The following PCDH15 variants were observed in gnomAD, a reference collection of about 807,000 sequenced individuals.
PCDH15 encodes the protein protocadherin related 15.
In PCDH15, 129 loss-of-function variants were observed where a neutral mutation model predicts 178.5. That is an observed-to-expected ratio of 0.72 (90% CI 0.63 to 0.84). The LOEUF is 0.84. PCDH15 is among the 40% of genes least tolerant of loss of function. The probability of loss-of-function intolerance (pLI) is 0.00; values close to 1 mark genes in which losing one functional copy is unlikely to be tolerated. For synonymous variants in PCDH15, 800 were observed against 732.0 expected (o/e 1.09, Z -1.50); for missense variants, 2,230 against 2,099.9 (o/e 1.06, Z -1.21).
chr10:55,161,568 T>C (rs762983728), intron 2 of PCDH15, among the ~76,000 whole-genome samples: 5 of 152,158 alleles, frequency 3.3e-5, no homozygotes, highest in Non-Finnish European at 5.9e-5. Flanking sequence ...TTTACCCTCT[T>C]GCCCTTTATA....
At chr10:54,574,434 T>C (rs1425115265) in intron 2 of PCDH15, among the ~76,000 whole-genome samples, 5 of 152,120 alleles carry the variant, frequency 3.3e-5, no homozygotes, top group Non-Finnish European at 7.4e-5. Context: ...TGTAGCCTTG[T>C]ATTATAGTTT....
chr10:55,136,391 G>A lies in PCDH15; in HGVS notation c.-80+30185C>T, dbSNP rs1168434279. ...AGAATACATTAAAACAAAGCAAAAC[G>A]AAACCTCCCATATTGACAATGAAAA... On this transcript the variant is annotated intron_variant, in intron 2 of 5. Coordinates refer to the PCDH15 transcript ENST00000458638. 1.1e-4 allele frequency among the ~76,000 whole-genome samples: 16 copies of A among 151,794 alleles called. 1 individual carries two copies. Among genetic ancestry groups the A allele is most frequent in the Admixed American group, 5.9e-4 (9 of 15,218 alleles).
Position 54,247,958 on chromosome 10 carries a change from ATACACAT to A in PCDH15, c.877-11034_877-11028del, listed in dbSNP as rs1564784729. 2.5e-3 allele frequency among the ~76,000 whole-genome samples: 354 copies of A among 143,128 alleles called. 2 individuals are homozygous for A. The highest frequency in any genetic ancestry group is 9.6e-3 in the African/African-American group (344 of 35,716). The allele number at this position is 143,128 out of a possible 152,430, so 93.9% of individuals were successfully genotyped here. On this transcript the variant is annotated intron_variant, in intron 8 of 37. Coordinates refer to ENST00000644397, the MANE Select transcript of PCDH15 (RefSeq NM_001384140.1). ...AGAATATATATATATATATATATAT[ATACACAT>A]ACAGTAAATGACATTCTTAATATGT...
At chr10:54,060,693 T>C (rs972977780) in intron 18 of PCDH15, among the ~76,000 whole-genome samples, 1 of 152,208 alleles carries the variant, frequency 6.6e-6, no homozygotes, top group Non-Finnish European at 1.5e-5. Flanking sequence ...CAGGTAGTTT[T>C]ATTCCATGGC....
intron 1 of PCDH15, among the ~76,000 whole-genome samples, chr10:55,265,328 A>ATATATAT (rs1842259733): frequency 1.3e-5 from 2 of 151,186 alleles, no homozygotes; most frequent in African/African-American, 4.9e-5. Context: ...ATATATATAT[A>ATATATAT]GACATAGAGA....
chr10:55,119,144 GCTTCACTTAAAAACAAGA>G (rs1396672199), intron 2 of PCDH15, among the ~76,000 whole-genome samples: 4 of 152,080 alleles, frequency 2.6e-5, no homozygotes, highest in African/African-American at 9.7e-5. Context: ...GTCCCACCAG[GCTTCACTTAAAAACAAGA>G]CAGAAGTCTC....
chr10:54,864,505 C>T (rs11004608), intron 3 of PCDH15, among the ~76,000 whole-genome samples: 24,758 of 151,988 alleles, frequency 0.16, 2,762 homozygotes, highest in East Asian at 0.51. Flanking sequence ...GATAGATGTA[C>T]GGTTTATTGT....
intron 8 of PCDH15, among the ~76,000 whole-genome samples, chr10:54,297,671 C>G (rs1462289963): frequency 1.3e-5 from 2 of 152,068 alleles, no homozygotes; most frequent in East Asian, 1.9e-4. Context: ...TGGTTCTGTC[C>G]CCTTTAAGTA....
chr10:55,132,915 T>G (rs1174479180), intron 2 of PCDH15, among the ~76,000 whole-genome samples: 1 of 152,200 alleles, frequency 6.6e-6, no homozygotes, highest in Non-Finnish European at 1.5e-5. Context: ...AAGTTCTTCC[T>G]AATTTAGTTG....
chr10:54,459,775 C>T (rs180791138), intron 3 of PCDH15, among the ~76,000 whole-genome samples: 2 of 152,252 alleles, frequency 1.3e-5, no homozygotes, highest in East Asian at 1.9e-4. Flanking sequence ...AACTGAAGGC[C>T]TGTGAAGTCA....
At chr10:55,218,711 G>T (rs1037838999) in intron 1 of PCDH15, among the ~76,000 whole-genome samples, 3 of 151,972 alleles carry the variant, frequency 2.0e-5, no homozygotes, top group African/African-American at 7.3e-5. Context: ...GATGGATTTG[G>T]ACTGTAAGGT....
intron 1 of PCDH15, among the ~76,000 whole-genome samples, chr10:54,703,396 A>G (rs1219172423): frequency 6.6e-6 from 1 of 152,034 alleles, no homozygotes; most frequent in Non-Finnish European, 1.5e-5. Context: ...AGGCAAGGGA[A>G]AAAAAATAAA....
At chr10:54,079,561 A>G (rs766638267) in intron 16 of PCDH15, 137 bp from the exon 17 acceptor site, 2 of 814,534 alleles carry the variant, frequency 2.5e-6, no homozygotes, top group Non-Finnish European at 4.3e-6. Flanking sequence ...TTAGATGTAT[A>G]ATACTAAGAT....
chr10:55,178,788 A>C (rs982321623), intron 1 of PCDH15, among the ~76,000 whole-genome samples: 1 of 151,906 alleles, frequency 6.6e-6, no homozygotes, highest in African/African-American at 2.4e-5. Context: ...TGCTGTTCTC[A>C]CCTTCATTCT....
At chr10:54,926,550 G>T (rs1837632226) in intron 2 of PCDH15, among the ~76,000 whole-genome samples, 1 of 151,876 alleles carries the variant, frequency 6.6e-6, no homozygotes, top group Non-Finnish European at 1.5e-5. Context: ...ATGTACATTT[G>T]GTAGAAATCA....
chr10:55,162,740 A>C (rs914279369), intron 2 of PCDH15, among the ~76,000 whole-genome samples: 14 of 152,136 alleles, frequency 9.2e-5, no homozygotes, highest in African/African-American at 3.1e-4. Flanking sequence ...CTGGTAATAT[A>C]ACCTCAGACC....
At chr10:55,460,873 G>A (rs1839661758) in intron 2 of PCDH15, among the ~76,000 whole-genome samples, 1 of 151,986 alleles carries the variant, frequency 6.6e-6, no homozygotes, top group Non-Finnish European at 1.5e-5. Flanking sequence ...TAGTTACTTG[G>A]AAATGGTTTG....
At chr10:54,793,629 G>C (rs988155543) in intron 1 of PCDH15, among the ~76,000 whole-genome samples, 6 of 149,578 alleles carry the variant, frequency 4.0e-5, no homozygotes, top group African/African-American at 1.5e-4. Context: ...TTGTAGTAAA[G>C]TAGCCATAAT....
chr10:55,413,876 A>G (rs10763200), intron 2 of PCDH15, among the ~76,000 whole-genome samples: 66,672 of 151,148 alleles, frequency 0.44, 15,481 homozygotes, highest in Middle Eastern at 0.52. Context: ...TCAAGTTTCT[A>G]TCCCACTTTG....
Sources: gnomAD v4.1 joint callset for allele counts (sites outside exome capture counted in the v4.1 genomes callset) on GRCh38, gnomAD v4.1.1 for gene constraint, MANE v1.5 for transcripts, NCBI Gene and HGNC (gene_info 2026-07-23, HGNC 2026-07-21) for gene names.